The following KPNA4 variants were observed in gnomAD, a reference collection of about 807,000 sequenced individuals.
The protein encoded by KPNA4 is importin subunit alpha-3.
A neutral mutation model predicts 71.3 loss-of-function variants in KPNA4; 13 were observed. That is an observed-to-expected ratio of 0.18 (90% CI 0.12 to 0.29). The LOEUF is 0.29. Ranked by LOEUF, KPNA4 falls within the 10% of genes least tolerant of loss-of-function variation. KPNA4 has a pLI of 1.00. For missense variants in KPNA4, 334 were observed against 603.2 expected (o/e 0.55, Z 4.67); for synonymous variants, 189 against 195.2 (o/e 0.97, Z 0.26).
rs958976566 is a variant in KPNA4, at chr3:160,499,188, C to A, written c.*2916G>T. The A allele has an allele frequency of 1.3e-5, 2 of 152,104 alleles. No homozygotes were observed. Among genetic ancestry groups the A allele is most frequent in the African/African-American group, 4.8e-5 (2 of 41,412 alleles). 9.4% of individuals were successfully genotyped at this position (152,104 alleles called of 1,614,324 possible). A position where few individuals can be genotyped will look rare whatever the true frequency, so the allele number is the denominator to read the frequency against. Reference sequence around the variant, plus strand: ...GAAATGCTCCAGGTTTGGTCCAGAGCAATGTGGACCAATGGAAAGTATTAT... The same window carrying A: ...GAAATGCTCCAGGTTTGGTCCAGAGAAATGTGGACCAATGGAAAGTATTAT... On this transcript the variant is annotated 3_prime_UTR_variant, in exon 17 of 17. Coordinates refer to ENST00000334256, the MANE Select transcript of KPNA4 (RefSeq NM_002268.5).
At chr3:160,565,166 G>GCCCCAGGCCCACAGC (rs1722320841) in intron 1 of KPNA4, 48 bp downstream of exon 1, 2 of 1,492,752 alleles carry the variant, frequency 1.3e-6, no homozygotes, top group East Asian at 4.8e-5. Flanking sequence ...GCGGAGACCG[G>GCCCCAGGCCCACAGC]CCCCAGGCCC....
At chr3:160,552,198 T>C (rs551319605) in intron 1 of KPNA4, among the ~76,000 whole-genome samples, 4 of 152,304 alleles carry the variant, frequency 2.6e-5, no homozygotes, top group African/African-American at 9.6e-5. Context: ...AGTGAGAATA[T>C]GGAAGATTAT....
intron 1 of KPNA4, among the ~76,000 whole-genome samples, chr3:160,545,559 G>C (rs1025813191): frequency 2.0e-5 from 3 of 152,206 alleles, no homozygotes; most frequent in Non-Finnish European, 4.4e-5. Context: ...AAGCCAGGTG[G>C]ATAGCTGACA....
chr3:160,523,922 G>C (rs1022507745), intron 10 of KPNA4, among the ~76,000 whole-genome samples: 1 of 152,054 alleles, frequency 6.6e-6, no homozygotes, highest in East Asian at 1.9e-4. Flanking sequence ...ATTTCAATTT[G>C]CAAATGTAAC....
chr3:160,552,299 C>T (rs952500152), intron 1 of KPNA4, among the ~76,000 whole-genome samples: 7 of 152,190 alleles, frequency 4.6e-5, no homozygotes, highest in Admixed American at 6.5e-5. Flanking sequence ...TTCATCACTA[C>T]GCAATCTATA....
At chr3:160,558,713 A>G (rs1385933416) in intron 1 of KPNA4, among the ~76,000 whole-genome samples, 2 of 152,190 alleles carry the variant, frequency 1.3e-5, no homozygotes, top group Non-Finnish European at 2.9e-5. Flanking sequence ...CAGAGAGTAC[A>G]CAGGGTCAAA....
At chr3:160,511,398 C>T (rs1721091667) in intron 13 of KPNA4, among the ~76,000 whole-genome samples, 1 of 152,204 alleles carries the variant, frequency 6.6e-6, no homozygotes, top group Non-Finnish European at 1.5e-5. Flanking sequence ...AGCCACTGCA[C>T]CCGGCCACTA....
intron 1 of KPNA4, among the ~76,000 whole-genome samples, chr3:160,547,302 T>A (rs1721933386): frequency 6.6e-6 from 1 of 152,190 alleles, no homozygotes; most frequent in Admixed American, 6.5e-5. Flanking sequence ...AATGCAACCA[T>A]TTTCCTAATT....
chr3:160,543,351 T>C (rs1423290285), intron 1 of KPNA4, among the ~76,000 whole-genome samples: 1 of 152,106 alleles, frequency 6.6e-6, no homozygotes, highest in East Asian at 1.9e-4. Context: ...GTATCATTTT[T>C]TTCCCCCGAG....
At position 160,499,237 on chromosome 3, in the gene KPNA4, G is replaced by A. The variant is rs1232717670; in HGVS notation, c.*2867C>T. 1 of 152,106 alleles carries A rather than the reference G, an allele frequency of 6.6e-6. No homozygotes were observed. The highest frequency in any genetic ancestry group is 2.4e-5 in the African/African-American group (1 of 41,402). 9.4% of individuals were successfully genotyped at this position (152,106 alleles called of 1,614,324 possible). On this transcript the variant is annotated 3_prime_UTR_variant, in exon 17 of 17. Transcript: ENST00000334256. ...ATTTCCACCATAACACACAATTACT[G>A]AAGTCTTTGAAAATTACAAAGGAAA...
At chr3:160,503,425 T>A (rs1720920740) in intron 16 of KPNA4, among the ~76,000 whole-genome samples, 1 of 152,140 alleles carries the variant, frequency 6.6e-6, no homozygotes, top group Non-Finnish European at 1.5e-5. Flanking sequence ...TAGAAATAAT[T>A]CAAATATTCT....
intron 5 of KPNA4, among the ~76,000 whole-genome samples, chr3:160,532,909 C>T (rs778206603): frequency 5.9e-5 from 9 of 152,194 alleles, no homozygotes; most frequent in East Asian, 1.9e-4. Flanking sequence ...TTGAAATGCC[C>T]GGTCTTCTAT....
intron 1 of KPNA4, among the ~76,000 whole-genome samples, chr3:160,552,779 T>C (rs1046883254): frequency 6.6e-6 from 1 of 151,322 alleles, no homozygotes; most frequent in African/African-American, 2.4e-5. Flanking sequence ...TGTGAAGGGG[T>C]GAAGAGGAGA....
intron 5 of KPNA4, among the ~76,000 whole-genome samples, chr3:160,534,185 A>G (rs1273499138): frequency 2.0e-5 from 3 of 152,188 alleles, no homozygotes; most frequent in African/African-American, 7.2e-5. Flanking sequence ...TATTGGATAG[A>G]CCTACAAACT....
At chr3:160,558,556 A>G (rs1341734082) in intron 1 of KPNA4, among the ~76,000 whole-genome samples, 1 of 152,202 alleles carries the variant, frequency 6.6e-6, no homozygotes, top group African/African-American at 2.4e-5. Context: ...TCTACAGTCC[A>G]TGTCTTTTAA....
At chr3:160,536,885 T>A in intron 1 of KPNA4, 45 bp from the exon 2 acceptor site, 2 of 1,154,654 alleles carry the variant, frequency 1.7e-6, no homozygotes, top group Non-Finnish European at 1.3e-6. Context: ...CACCTCAAAT[T>A]CCATTATCCA....
chr3:160,515,432 T>C lies in KPNA4; in HGVS notation c.1032+20A>G, dbSNP rs1450804154. On this transcript the variant is annotated intron_variant, in intron 12 of 16. Transcript: ENST00000334256. ...AACATTTTAAGTGCTATCTATTAAG[T>C]AGTATTTAATAGTACTTACTTTATT... The C allele has an allele frequency of 6.3e-7, 1 of 1,585,582 alleles. No individual in the cohort carries two copies. The highest frequency in any genetic ancestry group is 1.4e-5 in the African/African-American group (1 of 73,852).
intron 13 of KPNA4, among the ~76,000 whole-genome samples, chr3:160,513,328 T>C (rs1001252940): frequency 5.0e-5 from 7 of 140,826 alleles, no homozygotes; most frequent in African/African-American, 1.8e-4. Flanking sequence ...TGACCATGGC[T>C]CACCACAGCC....
intron 2 of KPNA4, 93 bp from the exon 3 acceptor site, chr3:160,535,990 G>T: frequency 2.0e-6 from 2 of 989,438 alleles, no homozygotes; most frequent in East Asian, 6.5e-5. Context: ...AGGCAATCCT[G>T]TGCCTAAAAA....
Sources: gnomAD v4.1 joint callset for allele counts (sites outside exome capture counted in the v4.1 genomes callset) on GRCh38, gnomAD v4.1.1 for gene constraint, MANE v1.5 for transcripts, NCBI Gene and HGNC (gene_info 2026-07-23, HGNC 2026-07-21) for gene names.